The following EYS variants were observed in gnomAD, a reference collection of about 807,000 sequenced individuals.
EYS encodes the protein protein eyes shut homolog.
Under a neutral mutation model 282.1 loss-of-function variants are expected in EYS, and 250 were observed. That is an observed-to-expected ratio of 0.89 (90% CI 0.80 to 0.98). The LOEUF is 0.98. EYS is among the 50% of genes least tolerant of loss of function. The pLI is 0.00. For missense variants in EYS, 4,016 were observed against 3,709.0 expected, an observed-to-expected ratio of 1.08 and a Z score of -2.15; for synonymous variants, 1,355 against 1,282.9, an observed-to-expected ratio of 1.06 and a Z score of -1.20.
intron 12 of EYS, among the ~76,000 whole-genome samples, chr6:65,242,747 G>T (rs2150276912): frequency 6.6e-6 from 1 of 151,946 alleles, no homozygotes; most frequent in Admixed American, 6.5e-5. Context: ...CAACATATTA[G>T]GGTTCCCATT....
intron 29 of EYS, among the ~76,000 whole-genome samples, chr6:64,314,348 T>C (rs1054546307): frequency 6.6e-6 from 1 of 151,930 alleles, no homozygotes; most frequent in African/African-American, 2.4e-5. Flanking sequence ...CCTAAATATA[T>C]ATGCAACCAA....
At chr6:65,611,051 G>A (rs1765981467) in intron 2 of EYS, among the ~76,000 whole-genome samples, 1 of 151,818 alleles carries the variant, frequency 6.6e-6, no homozygotes, top group African/African-American at 2.4e-5. Context: ...TTGACCCAAA[G>A]GGCACTATTA....
chr6:64,667,325 CT>C (rs1769268782), intron 22 of EYS, among the ~76,000 whole-genome samples: 1 of 151,842 alleles, frequency 6.6e-6, no homozygotes, highest in Non-Finnish European at 1.5e-5. Context: ...GAGCCTTCCC[CT>C]GATGTCCTGA....
chr6:65,502,186 A>C (rs1260072890), intron 2 of EYS, among the ~76,000 whole-genome samples: 1 of 151,658 alleles, frequency 6.6e-6, no homozygotes, highest in Non-Finnish European at 1.5e-5. Flanking sequence ...TTTTGCTTCC[A>C]TGTTCTGACA....
At chr6:65,689,072 C>T (rs1184315502) in intron 1 of EYS, among the ~76,000 whole-genome samples, 3 of 150,210 alleles carry the variant, frequency 2.0e-5, no homozygotes, top group Non-Finnish European at 4.4e-5. Context: ...GACACATGTG[C>T]ATGTATGTTT....
chr6:64,135,758 T>C (rs1308932019), intron 31 of EYS, among the ~76,000 whole-genome samples: 1 of 152,146 alleles, frequency 6.6e-6, no homozygotes, highest in Non-Finnish European at 1.5e-5. Flanking sequence ...ACAGCATATA[T>C]GCCTTAATTT....
chr6:65,474,436 A>G (rs1765328273), intron 5 of EYS, among the ~76,000 whole-genome samples: 1 of 152,116 alleles, frequency 6.6e-6, no homozygotes, highest in Non-Finnish European at 1.5e-5. Context: ...CTTCTATAAA[A>G]TCCTCAGCAA....
Position 65,213,918 on chromosome 6 carries a change from T to C in EYS, c.2023+81945A>G, listed in dbSNP as rs560182710. Among the ~76,000 whole-genome samples, 120 of 151,980 alleles carry C rather than the reference T, an allele frequency of 7.9e-4. 1 individual carries two copies. Among genetic ancestry groups the C allele is most frequent in the African/African-American group, 2.8e-3 (118 of 41,456 alleles). ...GCTCACGCCTGTAACCCCAGCACTT[T>C]GGGAGGCCGAGGCAGGCAGATGACG... On this transcript the variant is annotated intron_variant, in intron 12 of 42. Transcript: ENST00000503581.
At chr6:64,008,753 G>T (rs1768466636) in intron 33 of EYS, among the ~76,000 whole-genome samples, 1 of 152,126 alleles carries the variant, frequency 6.6e-6, no homozygotes, top group African/African-American at 2.4e-5. Context: ...GAAATTCATG[G>T]TTGGAAGTTA....
intron 18 of EYS, among the ~76,000 whole-genome samples, chr6:64,898,882 G>C (rs1452897695): frequency 6.6e-6 from 1 of 151,634 alleles, no homozygotes; most frequent in East Asian, 1.9e-4. Context: ...AACGGTAAAG[G>C]GATCAAGGCA....
chr6:64,493,127 G>A (rs1776787423), intron 26 of EYS, among the ~76,000 whole-genome samples: 1 of 151,340 alleles, frequency 6.6e-6, no homozygotes, highest in Non-Finnish European at 1.5e-5. Flanking sequence ...AGTAGGAGAG[G>A]CATTTCTTTC....
chr6:63,814,597 T>A (rs1771131051), intron 36 of EYS, among the ~76,000 whole-genome samples: 1 of 152,182 alleles, frequency 6.6e-6, no homozygotes, highest in Non-Finnish European at 1.5e-5. Flanking sequence ...GCATTATAAT[T>A]TCCACCAGCA....
At position 65,201,085 on chromosome 6, in the gene EYS, C is replaced by T. The variant is rs138515180; in HGVS notation, c.2023+94778G>A. Among the ~76,000 whole-genome samples, 319 of 151,992 alleles carry T rather than the reference C, an allele frequency of 2.1e-3. 1 individual carries two copies. Among genetic ancestry groups the T allele is most frequent in the African/African-American group, 4.7e-3 (194 of 41,444 alleles). ...AAAATTAGTTATAACTATCTATTGA[C>T]GATATATTGTTTACTACAATAGAAT... On this transcript the variant is annotated intron_variant, in intron 12 of 42. Transcript: ENST00000503581.
At chr6:64,909,843 A>G (rs372206031) in intron 16 of EYS, among the ~76,000 whole-genome samples, 25 of 152,174 alleles carry the variant, frequency 1.6e-4, no homozygotes, top group African/African-American at 6.0e-4. Context: ...CTAAGCATGC[A>G]GTCTGACGTA....
intron 19 of EYS, among the ~76,000 whole-genome samples, chr6:64,869,736 G>A (rs560366015): frequency 4.7e-4 from 71 of 151,754 alleles, no homozygotes; most frequent in Admixed American, 1.2e-3. Flanking sequence ...TGAGAGACAA[G>A]CCAGAGATAA....
chr6:64,771,704 G>C (rs1487144838), intron 22 of EYS, among the ~76,000 whole-genome samples: 3 of 151,546 alleles, frequency 2.0e-5, no homozygotes, highest in Admixed American at 6.6e-5. Context: ...AAATTGTTTT[G>C]TGTTCAATAA....
At chr6:64,879,993 C>T (rs867129877) in intron 19 of EYS, among the ~76,000 whole-genome samples, 1 of 151,976 alleles carries the variant, frequency 6.6e-6, no homozygotes, top group African/African-American at 2.4e-5. Flanking sequence ...TCTCCCACCT[C>T]CTCACTCCTG....
At chr6:65,634,905 T>A (rs1026584415) in intron 2 of EYS, among the ~76,000 whole-genome samples, 3 of 152,210 alleles carry the variant, frequency 2.0e-5, no homozygotes, top group African/African-American at 7.2e-5. Flanking sequence ...GTGCCCAACA[T>A]TAAACTTCAT....
At chr6:64,151,317 TTATATATATA>T (rs61575285) in intron 31 of EYS, among the ~76,000 whole-genome samples, 1,907 of 52,408 alleles carry the variant, frequency 0.036, 33 homozygotes, top group African/African-American at 0.048. Flanking sequence ...GTGTGTATAT[TTATATATATA>T]TATATATATA....
Sources: gnomAD v4.1 joint callset for allele counts (sites outside exome capture counted in the v4.1 genomes callset) on GRCh38, gnomAD v4.1.1 for gene constraint, MANE v1.5 for transcripts, NCBI Gene and HGNC (gene_info 2026-07-23, HGNC 2026-07-21) for gene names.